Variants in BNC2 observed in about 807,000 individuals in gnomAD.
BNC2 encodes basonuclin zinc finger protein 2.
BNC2 carries 20 observed loss-of-function variants against 76.3 expected under a neutral mutation model. That is an observed-to-expected ratio of 0.26 (90% CI 0.18 to 0.38). The LOEUF (loss-of-function observed/expected upper bound fraction) is 0.38, where lower values mean the gene tolerates loss of function less well. BNC2 is among the 10% of genes least tolerant of loss of function. BNC2 has a pLI of 1.00. For missense variants in BNC2, 1,382 were observed against 1,399.8 expected (o/e 0.99, Z 0.20); for synonymous variants, 582 against 514.8 (o/e 1.13, Z -1.77).
chr9:16,855,713 A>ATT (rs796972202), intron 1 of BNC2, among the ~76,000 whole-genome samples: 1 of 136,382 alleles, frequency 7.3e-6, no homozygotes, highest in Non-Finnish European at 1.6e-5. Context: ...GATTTCTTGT[A>ATT]TTTTTTTTTT....
intron 3 of BNC2, among the ~76,000 whole-genome samples, chr9:16,616,837 A>AAGTT (rs1554689432): frequency 3.3e-5 from 5 of 149,932 alleles, no homozygotes; most frequent in Admixed American, 2.0e-4. Flanking sequence ...GGAAGGAAGG[A>AAGTT]AGTTCTACTG....
At chr9:16,835,341 G>A (rs1381424621) in intron 1 of BNC2, among the ~76,000 whole-genome samples, 1 of 152,130 alleles carries the variant, frequency 6.6e-6, no homozygotes, top group East Asian at 1.9e-4. Flanking sequence ...AACCCCATGA[G>A]TTAGGTACCA....
intron 4 of BNC2, among the ~76,000 whole-genome samples, chr9:16,578,603 G>C (rs903570841): frequency 1.4e-4 from 21 of 151,754 alleles, no homozygotes; most frequent in African/African-American, 5.1e-4. Context: ...TCTGAATTCT[G>C]TGAATGGCCA....
intron 4 of BNC2, among the ~76,000 whole-genome samples, chr9:16,581,356 G>T (rs1022713781): frequency 1.3e-5 from 2 of 152,094 alleles, no homozygotes; most frequent in Non-Finnish European, 2.9e-5. Context: ...TCGGGAGTTC[G>T]AGACCAGCCT....
At chr9:16,547,513 G>C (rs1413877898) in intron 5 of BNC2, among the ~76,000 whole-genome samples, 2 of 152,190 alleles carry the variant, frequency 1.3e-5, no homozygotes, top group Non-Finnish European at 2.9e-5. Flanking sequence ...GAGGAGGCCA[G>C]AAAAATAAAC....
intron 3 of BNC2, among the ~76,000 whole-genome samples, chr9:16,717,253 C>A (rs536693328): frequency 2.0e-5 from 3 of 152,262 alleles, no homozygotes; most frequent in African/African-American, 7.2e-5. Flanking sequence ...ATAAAGGGCA[C>A]TGAACCAGTG....
At chr9:16,569,628 T>C (rs1819264586) in intron 4 of BNC2, among the ~76,000 whole-genome samples, 1 of 152,192 alleles carries the variant, frequency 6.6e-6, no homozygotes, top group African/African-American at 2.4e-5. Context: ...TCCTGGCTAG[T>C]AGATTAAACA....
At chr9:16,428,883 T>C (rs940352271) in intron 6 of BNC2, among the ~76,000 whole-genome samples, 1 of 152,176 alleles carries the variant, frequency 6.6e-6, no homozygotes, top group Non-Finnish European at 1.5e-5. Context: ...GGACATAAAA[T>C]CTAGGTATAT....
intron 5 of BNC2, among the ~76,000 whole-genome samples, chr9:16,446,789 A>G (rs1265231178): frequency 3.6e-5 from 1 of 27,554 alleles, no homozygotes; most frequent in East Asian, 1.0e-3. Context: ...TGATTATGAT[A>G]GATCACTCTG....
rs547244475 is a variant in BNC2, at chr9:16,664,588, TG to T, written c.330+63208del. On this transcript the variant is annotated intron_variant, in intron 3 of 6. Coordinates refer to ENST00000380672, the MANE Select transcript of BNC2 (RefSeq NM_017637.6). ...CTATGCGGTAAAAATTCCTGTAAACTGCCTGTATCCTAATCTGGTCTGGTGT... is the reference window on the plus strand; with the variant it reads ...CTATGCGGTAAAAATTCCTGTAAACTCCTGTATCCTAATCTGGTCTGGTGT... Among the ~76,000 whole-genome samples, 18 of 152,146 alleles carry T rather than the reference TG, an allele frequency of 1.2e-4. No individual in the cohort carries two copies. The South Asian group carries it at 3.7e-3, about 32-fold the overall frequency.
rs1238392145 is a variant in BNC2, at chr9:16,779,129, AAAAAAG to A, written c.4-40650_4-40645del. On this transcript the variant is annotated intron_variant, in intron 1 of 6. Transcript: ENST00000380672. Reference sequence around the variant, plus strand: ...ACAAAAATTGTAAAAAAAAAAAAAAAAAAAAGAAAAGAAAAGAAAAAAAAACCAGCC... The same window carrying A: ...ACAAAAATTGTAAAAAAAAAAAAAAAAAAAGAAAAGAAAAAAAAACCAGCC... Among the ~76,000 whole-genome samples, 6 of 129,862 alleles carry A rather than the reference AAAAAAG, an allele frequency of 4.6e-5. No homozygotes were observed. In the East Asian group the frequency reaches 1.1e-3, roughly 25 times the overall value. 85.2% of individuals were successfully genotyped at this position (129,862 alleles called of 152,430 possible). A position where few individuals can be genotyped will look rare whatever the true frequency, so the allele number is the denominator to read the frequency against.
rs890150732 is a variant in BNC2, at chr9:16,556,119, T to C, written c.434-3354A>G. Among the ~76,000 whole-genome samples the C allele has an allele frequency of 4.0e-5, 6 of 151,646 alleles. 1 individual carries two copies. The highest frequency in any genetic ancestry group is 3.9e-4 in the East Asian group (2 of 5,108). On this transcript the variant is annotated intron_variant, in intron 4 of 6. Transcript: ENST00000380672. ...GTTTGAGATCAGCTTAGGCAACACA[T>C]TGAAACCCTGTCTCTACAAAAAAAT...
intron 5 of BNC2, among the ~76,000 whole-genome samples, chr9:16,514,192 G>A (rs546853099): frequency 1.8e-4 from 28 of 152,278 alleles, no homozygotes; most frequent in South Asian, 6.2e-4. Flanking sequence ...CTCAAGATTC[G>A]TCTGGTTTCA....
chr9:16,474,518 C>G (rs537672257), intron 5 of BNC2, among the ~76,000 whole-genome samples: 1 of 152,162 alleles, frequency 6.6e-6, no homozygotes, highest in African/African-American at 2.4e-5. Context: ...GAGATGAACC[C>G]TCAATATTGC....
At chr9:16,777,048 C>T (rs1439236236) in intron 1 of BNC2, among the ~76,000 whole-genome samples, 1 of 152,028 alleles carries the variant, frequency 6.6e-6, no homozygotes, top group Non-Finnish European at 1.5e-5. Context: ...ATCACTTGAA[C>T]CTAGGAGGCG....
At chr9:16,545,265 A>G (rs1818443898) in intron 5 of BNC2, among the ~76,000 whole-genome samples, 1 of 152,220 alleles carries the variant, frequency 6.6e-6, no homozygotes, top group Admixed American at 6.5e-5. Context: ...TTATAGAAAC[A>G]AAGTTCTAAA....
chr9:16,813,312 C>G (rs1393355023), intron 1 of BNC2, among the ~76,000 whole-genome samples: 3 of 151,422 alleles, frequency 2.0e-5, no homozygotes, highest in Non-Finnish European at 2.9e-5. Context: ...GTCGCCCAGG[C>G]TGGAGTGCAG....
At chr9:16,506,341 G>C (rs918605092) in intron 5 of BNC2, among the ~76,000 whole-genome samples, 14 of 152,002 alleles carry the variant, frequency 9.2e-5, no homozygotes, top group Non-Finnish European at 1.8e-4. Flanking sequence ...GGAAAGTCCT[G>C]GATATAACTA....
chr9:16,831,092 T>A (rs753972375), intron 1 of BNC2, among the ~76,000 whole-genome samples: 2 of 152,308 alleles, frequency 1.3e-5, no homozygotes, highest in Non-Finnish European at 1.5e-5. Context: ...ACAATCAGTG[T>A]CAAGGTCCAA....
Sources: allele counts gnomAD v4.1 joint callset (sites outside exome capture counted in the v4.1 genomes callset), GRCh38; gene constraint gnomAD v4.1.1; transcripts MANE v1.5; gene names NCBI Gene and HGNC (gene_info 2026-07-23, HGNC 2026-07-21).